R3HDM1: variants seen among roughly 807,000 people sequenced by gnomAD.
R3HDM1 encodes R3H domain containing 1, also known as R3H domain-containing protein 1.
In R3HDM1, 46 loss-of-function variants were observed where a neutral mutation model predicts 141.1. The observed-to-expected ratio is 0.33, with a 90% CI of 0.26 to 0.42. The LOEUF is 0.42. Among genes scored for constraint, R3HDM1 ranks in the 10% least tolerant of loss-of-function variants. The probability of loss-of-function intolerance (pLI) is 1.00; values close to 1 mark genes in which losing one functional copy is unlikely to be tolerated. For missense variants in R3HDM1, 1,184 were observed against 1,368.3 expected (o/e 0.87, Z 2.12); for synonymous variants, 435 against 472.9 (o/e 0.92, Z 1.04).
chr2:135,649,903 C>G lies in R3HDM1; in HGVS notation c.1625C>G (p.Pro542Arg), dbSNP rs1376135364. The G allele has an allele frequency of 8.0e-7, 1 of 1,251,728 alleles. No homozygotes were observed. Among genetic ancestry groups the G allele is most frequent in the Admixed American group, 2.6e-5 (1 of 37,902 alleles). The allele number at this position is 1,251,728 out of a possible 1,614,324, so 77.5% of individuals were successfully genotyped here. Residue 542 changes from proline to arginine, a missense_variant and splice_region_variant, in exon 17 of 27, where the codon CCT becomes CGT. Pro to Arg is a moderately radical substitution (Grantham distance 103). Around this residue, in one of 5 missense-constraint regions of R3HDM1, gnomAD observed 563 missense variants for 562.0 expected, o/e 1.00. Transcript: ENST00000683871. ...QPAANHIFSQ[P>R]VHPLQSSSQP... Reference sequence around the variant, plus strand: ...GTTTGCCAACCTGTTATTCTTTAGCCTGTTCATCCTCTGCAGTCCTCTTCA... The same window carrying G: ...GTTTGCCAACCTGTTATTCTTTAGCGTGTTCATCCTCTGCAGTCCTCTTCA...
chr2:135,578,949 A>G (rs1013412619), intron 1 of R3HDM1, among the ~76,000 whole-genome samples: 9 of 152,192 alleles, frequency 5.9e-5, no homozygotes, highest in Non-Finnish European at 1.3e-4. Context: ...ATATATGTAT[A>G]TATGATGTAT....
At chr2:135,555,316 A>T (rs1167115239) in intron 1 of R3HDM1, among the ~76,000 whole-genome samples, 1 of 151,038 alleles carries the variant, frequency 6.6e-6, no homozygotes, top group Non-Finnish European at 1.5e-5. Context: ...AAAAAAAAGT[A>T]AAATAGATGT....
chr2:135,681,020 C>T (rs916594403), intron 21 of R3HDM1, among the ~76,000 whole-genome samples: 2 of 152,096 alleles, frequency 1.3e-5, no homozygotes, highest in Non-Finnish European at 2.9e-5. Context: ...TTGGGAAGCT[C>T]ATTTTTCATC....
At chr2:135,644,857 G>A (rs904497031) in intron 15 of R3HDM1, among the ~76,000 whole-genome samples, 69 of 152,052 alleles carry the variant, frequency 4.5e-4, no homozygotes, top group African/African-American at 1.6e-3. Flanking sequence ...CAAGGCGGAC[G>A]GATCACCTGA....
chr2:135,590,613 A>G, intron 1 of R3HDM1: 2 of 985,404 alleles, frequency 2.0e-6, no homozygotes, highest in Non-Finnish European at 1.2e-6. Flanking sequence ...AGCCAATTAA[A>G]TTGGACAGGT....
intron 1 of R3HDM1, chr2:135,586,826 C>G: frequency 1.0e-6 from 1 of 985,166 alleles, no homozygotes; most frequent in Non-Finnish European, 1.2e-6. Context: ...GTGTATAGCA[C>G]AGCAAATTGT....
intron 15 of R3HDM1, among the ~76,000 whole-genome samples, chr2:135,645,076 C>G (rs79519922): frequency 6.6e-6 from 1 of 151,988 alleles, no homozygotes; most frequent in African/African-American, 2.4e-5. Flanking sequence ...AGTGAGACTC[C>G]GTCTAAGAAA....
chr2:135,691,464 A>C (rs1357404895), intron 21 of R3HDM1, among the ~76,000 whole-genome samples: 1 of 151,972 alleles, frequency 6.6e-6, no homozygotes, highest in African/African-American at 2.4e-5. Context: ...AAATACAAAA[A>C]TTAGCTGGGC....
intron 24 of R3HDM1, among the ~76,000 whole-genome samples, chr2:135,716,793 A>G (rs2076192453): frequency 6.6e-6 from 1 of 152,010 alleles, no homozygotes; most frequent in Non-Finnish European, 1.5e-5. Context: ...CTCTACTAAA[A>G]CTACAAAAAC....
intron 21 of R3HDM1, among the ~76,000 whole-genome samples, chr2:135,681,257 T>A (rs1384813959): frequency 1.3e-5 from 2 of 152,206 alleles, no homozygotes; most frequent in Non-Finnish European, 2.9e-5. Context: ...TCTGCCTGCG[T>A]ATAGCAAGCC....
chr2:135,625,675 G>C (rs1269024838), intron 7 of R3HDM1, among the ~76,000 whole-genome samples: 1 of 152,074 alleles, frequency 6.6e-6, no homozygotes, highest in African/African-American at 2.4e-5. Context: ...AGAGGGTTGG[G>C]ACTTCAGCCC....
intron 15 of R3HDM1, among the ~76,000 whole-genome samples, chr2:135,644,852 C>T (rs1166992002): frequency 1.3e-5 from 2 of 151,992 alleles, no homozygotes; most frequent in Admixed American, 6.6e-5. Context: ...GAGGTCAAGG[C>T]GGACGGATCA....
intron 21 of R3HDM1, among the ~76,000 whole-genome samples, chr2:135,689,169 C>A (rs1022592886): frequency 6.6e-6 from 1 of 152,134 alleles, no homozygotes; most frequent in Non-Finnish European, 1.5e-5. Flanking sequence ...AACCCTCTGG[C>A]CTACACTAAC....
intron 7 of R3HDM1, among the ~76,000 whole-genome samples, chr2:135,624,982 G>A (rs1370358391): frequency 6.6e-6 from 1 of 152,198 alleles, no homozygotes; most frequent in Non-Finnish European, 1.5e-5. Flanking sequence ...CACCTACTCA[G>A]GAGGCTGAGG....
chr2:135,686,434 T>C (rs1374125918), intron 21 of R3HDM1, among the ~76,000 whole-genome samples: 1 of 152,144 alleles, frequency 6.6e-6, no homozygotes, highest in Non-Finnish European at 1.5e-5. Context: ...TAAATGTCAA[T>C]TGGTGGATGA....
At chr2:135,541,428 T>C (rs1392142181) in intron 1 of R3HDM1, among the ~76,000 whole-genome samples, 1 of 152,146 alleles carries the variant, frequency 6.6e-6, no homozygotes, top group African/African-American at 2.4e-5. Context: ...CAGGATGGTC[T>C]TGATCTCCTG....
intron 1 of R3HDM1, among the ~76,000 whole-genome samples, chr2:135,600,568 A>G (rs1204025039): frequency 1.3e-5 from 2 of 150,886 alleles, no homozygotes; most frequent in Non-Finnish European, 2.9e-5. Context: ...ACTGCAGCTC[A>G]GAGAGATTAA....
At chr2:135,567,853 C>T (rs1703147389) in intron 1 of R3HDM1, among the ~76,000 whole-genome samples, 2 of 151,082 alleles carry the variant, frequency 1.3e-5, no homozygotes, top group Middle Eastern at 3.5e-3. Context: ...AATTCTCGCA[C>T]CTCACACTCC....
At chr2:135,531,709 C>A in intron 1 of R3HDM1, 76 bp downstream of exon 1, 1 of 986,150 alleles carries the variant, frequency 1.0e-6, no homozygotes, top group Non-Finnish European at 1.2e-6. Context: ...GCCCGCCAAC[C>A]GGTAGCGCTA....
Sources: allele counts gnomAD v4.1 joint callset (sites outside exome capture counted in the v4.1 genomes callset), GRCh38; gene constraint gnomAD v4.1.1; regional missense constraint gnomAD v4.1.1; transcripts MANE v1.5; gene names NCBI Gene and HGNC (gene_info 2026-07-23, HGNC 2026-07-21).